Variants in AFG2A observed in about 807,000 individuals in gnomAD.
AFG2A encodes the protein ATPase family gene 2 protein homolog A.
the AFG2A span, among the ~76,000 whole-genome samples, chr4:123,147,592 ATTAC>A: frequency 6.6e-6 from 1 of 152,164 alleles, no homozygotes; most frequent in African/African-American, 2.4e-5. Flanking sequence ...TTAGAACAGA[ATTAC>A]TTCTCGCTTA....
the AFG2A span, among the ~76,000 whole-genome samples, chr4:123,205,678 G>T: frequency 1.3e-5 from 2 of 152,034 alleles, no homozygotes; most frequent in African/African-American, 4.8e-5. Context: ...TATCCTGGTG[G>T]GGGTTAGGGA....
At chr4:123,137,918 T>A in the AFG2A span, among the ~76,000 whole-genome samples, 1 of 152,220 alleles carries the variant, frequency 6.6e-6, no homozygotes, top group Non-Finnish European at 1.5e-5. Flanking sequence ...ATTTTATCAC[T>A]TGAAGTTTCT....
the AFG2A span, among the ~76,000 whole-genome samples, chr4:123,188,726 T>C: frequency 6.6e-6 from 1 of 152,234 alleles, no homozygotes; most frequent in African/African-American, 2.4e-5. Context: ...ATTGTTTTAA[T>C]GTTTGTTTTA....
the AFG2A span, among the ~76,000 whole-genome samples, chr4:123,087,825 T>C: frequency 6.6e-6 from 1 of 152,228 alleles, no homozygotes; most frequent in African/African-American, 2.4e-5. Context: ...ACCTTACTAA[T>C]ATGATGTATC....
the AFG2A span, among the ~76,000 whole-genome samples, chr4:123,046,100 A>AG: frequency 1.3e-5 from 2 of 151,956 alleles, no homozygotes; most frequent in Non-Finnish European, 2.9e-5. Flanking sequence ...CCATCTCAAA[A>AG]AAAAAAAAGA....
chr4:122,958,325 T>A, the AFG2A span, among the ~76,000 whole-genome samples: 2 of 152,216 alleles, frequency 1.3e-5, no homozygotes, highest in African/African-American at 4.8e-5. Flanking sequence ...GGAGGTGTTT[T>A]CATTGTTCAC....
At chr4:122,934,649 A>G in the AFG2A span, 2 of 1,613,168 alleles carry the variant, frequency 1.2e-6, no homozygotes, top group Non-Finnish European at 1.7e-6. Context: ...GTAACTTATG[A>G]CATGATAGGA....
chr4:123,274,371 AT>A, the AFG2A span, among the ~76,000 whole-genome samples: 124 of 146,898 alleles, frequency 8.4e-4, no homozygotes, highest in Admixed American at 1.4e-3. Context: ...AAAAACTCTG[AT>A]TTTTTTTTTT....
At chr4:123,043,276 T>G in the AFG2A span, among the ~76,000 whole-genome samples, 90 of 152,334 alleles carry the variant, frequency 5.9e-4, no homozygotes, top group African/African-American at 2.1e-3. Flanking sequence ...CTCATTTCTC[T>G]TAAGACTTTC....
chr4:123,024,997 C>T, the AFG2A span, among the ~76,000 whole-genome samples: 6 of 151,970 alleles, frequency 3.9e-5, no homozygotes, highest in Admixed American at 3.3e-4. Flanking sequence ...ACGGGGAATG[C>T]GGGGGAGAGG....
chr4:123,264,669 C>T, the AFG2A span, among the ~76,000 whole-genome samples: 2 of 152,074 alleles, frequency 1.3e-5, no homozygotes, highest in Admixed American at 6.6e-5. Flanking sequence ...TCCCCTTTTC[C>T]CTTCTTCAGC....
the AFG2A span, among the ~76,000 whole-genome samples, chr4:123,067,884 T>C: frequency 1.3e-5 from 2 of 152,224 alleles, no homozygotes; most frequent in African/African-American, 2.4e-5. Context: ...ATGGAAAATA[T>C]ATAATCAAAT....
chr4:123,115,012 T>A, the AFG2A span, among the ~76,000 whole-genome samples: 1 of 152,180 alleles, frequency 6.6e-6, no homozygotes, highest in Admixed American at 6.5e-5. Flanking sequence ...AGGGTGGAGG[T>A]GGCACAGTCC....
At chr4:123,137,136 A>T in the AFG2A span, among the ~76,000 whole-genome samples, 1 of 152,174 alleles carries the variant, frequency 6.6e-6, no homozygotes, top group Non-Finnish European at 1.5e-5. Context: ...ATCAGGCAGT[A>T]ATGCTTGCTT....
At chr4:123,180,976 CTCT>C in the AFG2A span, among the ~76,000 whole-genome samples, 26 of 117,378 alleles carry the variant, frequency 2.2e-4, no homozygotes, top group African/African-American at 6.2e-4. Context: ...CCTCCTCCCC[CTCT>C]TTTTTTTTTT....
the AFG2A span, chr4:122,935,647 C>T: frequency 6.8e-7 from 1 of 1,465,616 alleles, no homozygotes. Context: ...CATGTTTGAA[C>T]TTGTATGACA....
the AFG2A span, among the ~76,000 whole-genome samples, chr4:123,070,567 G>A: frequency 2.0e-5 from 3 of 152,172 alleles, no homozygotes; most frequent in Non-Finnish European, 4.4e-5. Flanking sequence ...AAGGGGCAAA[G>A]GAGCAGTCTG....
the AFG2A span, among the ~76,000 whole-genome samples, chr4:122,983,578 T>C: frequency 1.3e-5 from 2 of 152,278 alleles, no homozygotes; most frequent in East Asian, 3.9e-4. Context: ...TGTTCAGGAG[T>C]ATGTTGTTTA....
At chr4:122,941,005 G>T in the AFG2A span, among the ~76,000 whole-genome samples, 2 of 151,514 alleles carry the variant, frequency 1.3e-5, no homozygotes. Flanking sequence ...CTCTGTTTTG[G>T]TACCAGTACC....
Sources: allele counts gnomAD v4.1 joint callset (sites outside exome capture counted in the v4.1 genomes callset), GRCh38; gene constraint gnomAD v4.1.1; transcripts MANE v1.5; gene names NCBI Gene and HGNC (gene_info 2026-07-23, HGNC 2026-07-21).